Variants in ARAP1 observed in about 807,000 individuals in gnomAD.
The protein encoded by ARAP1 is arf-GAP with Rho-GAP domain, ANK repeat and PH domain-containing protein 1.
Under a neutral mutation model 172.2 loss-of-function variants are expected in ARAP1, and 76 were observed. The observed-to-expected ratio is 0.44, with a 90% CI of 0.37 to 0.53. The LOEUF (loss-of-function observed/expected upper bound fraction) is 0.53. Ranked by LOEUF, ARAP1 falls within the 20% of genes least tolerant of loss-of-function variation. The probability of loss-of-function intolerance (pLI) is 0.00; values close to 1 mark genes in which losing one functional copy is unlikely to be tolerated. For synonymous variants in ARAP1, 804 were observed against 803.3 expected (o/e 1.00, Z -0.01); for missense variants, 1,686 against 1,977.5 (o/e 0.85, Z 2.80).
chr11:72,731,452 C>T (rs1857866802), intron 2 of ARAP1, among the ~76,000 whole-genome samples: 1 of 152,180 alleles, frequency 6.6e-6, no homozygotes, highest in African/African-American at 2.4e-5. Flanking sequence ...TTGCTTCCTC[C>T]CTCACCATGT....
Position 72,696,966 on chromosome 11 carries a change from C to G in ARAP1, c.3166+17G>C. ...GGGTGGAGGAGGAGGAGGCTGGGCACGGGCTGCAGGGCCCACCTGAGGCCT... is the reference window on the plus strand; with the variant it reads ...GGGTGGAGGAGGAGGAGGCTGGGCAGGGGCTGCAGGGCCCACCTGAGGCCT... On this transcript the variant is annotated intron_variant, in intron 22 of 34. Coordinates refer to ENST00000393609, the MANE Select transcript of ARAP1 (RefSeq NM_001040118.3). 1 of 1,595,910 alleles carries G rather than the reference C, an allele frequency of 6.3e-7. No individual in the cohort carries two copies. The highest frequency in any genetic ancestry group is 8.5e-7 in the Non-Finnish European group (1 of 1,176,126).
chr11:72,688,029 T>C (rs1855767632), intron 31 of ARAP1, among the ~76,000 whole-genome samples: 2 of 152,008 alleles, frequency 1.3e-5, no homozygotes, highest in Admixed American at 6.6e-5. Context: ...AGATAGGCTC[T>C]CACTCTGTCG....
rs950443166 is a variant in ARAP1 at position 72,726,589 on chromosome 11, G to A, written c.509+31C>T. On this transcript the variant is annotated intron_variant, in intron 3 of 34. Coordinates refer to ENST00000393609, the MANE Select transcript of ARAP1 (RefSeq NM_001040118.3). The surrounding 1 kb of genome is among the most constrained non-coding windows in gnomAD (Gnocchi z 6.5). ...CTACCCTCTGGGATCCTCTGCCTGT[G>A]CGCCTCCCACCCTGGGTGGCATCCA... 1 of 1,467,776 alleles carries A rather than the reference G, an allele frequency of 6.8e-7. No homozygotes were observed. Among genetic ancestry groups the A allele is most frequent in the Admixed American group, 2.3e-5 (1 of 42,878 alleles). The allele number at this position is 1,467,776 out of a possible 1,614,324, so 90.9% of individuals were successfully genotyped here.
intron 3 of ARAP1, chr11:72,722,001 G>A (rs1156408317): frequency 2.0e-6 from 2 of 985,860 alleles, no homozygotes; most frequent in Non-Finnish European, 2.4e-6. Flanking sequence ...GCCCCTGGGT[G>A]GGTCTGAGGC....
rs1369717668 is a variant in ARAP1 at position 72,699,118 on chromosome 11, A to G, written c.2439-11T>C. 1.2e-6 allele frequency: 2 copies of G among 1,613,680 alleles called. No homozygotes were observed. Among genetic ancestry groups the G allele is most frequent in the Non-Finnish European group, 8.5e-7 (1 of 1,179,816 alleles). ...AAGGTGTGCTCAAAGCTGCAAATAC[A>G]CAGGCCAGGACTCAGGCCCACCTCA... is the stretch of plus-strand genomic sequence containing the variant. On this transcript the variant is annotated splice_polypyrimidine_tract_variant and intron_variant, in intron 17 of 34. Coordinates refer to ENST00000393609, the MANE Select transcript of ARAP1 (RefSeq NM_001040118.3). This position sits in a 1 kb window ranked among gnomAD's most constrained non-coding sequence, Gnocchi z 4.2.
chr11:72,722,879 A>G (rs1857572018), intron 3 of ARAP1, among the ~76,000 whole-genome samples: 1 of 152,196 alleles, frequency 6.6e-6, no homozygotes, highest in Non-Finnish European at 1.5e-5. Flanking sequence ...GCGGCATTTA[A>G]GAGCTGAGTA....
At chr11:72,717,961 A>C (rs1857352163) in intron 3 of ARAP1, among the ~76,000 whole-genome samples, 2 of 152,182 alleles carry the variant, frequency 1.3e-5, no homozygotes, top group African/African-American at 4.8e-5. Context: ...CTCAGGACCC[A>C]TCTGAGAGGG....
chr11:72,710,433 C>A lies in ARAP1; in HGVS notation c.1368G>T (p.Leu456=). 3.1e-6 allele frequency: 5 copies of A among 1,614,078 alleles called. No homozygotes were observed. The highest frequency in any genetic ancestry group is 4.2e-6 in the Non-Finnish European group (5 of 1,179,984). ...SLELRGFKNK[L]YVAVVGDKVQ... is the part of the protein sequence containing the mutation. ...CTTTGTCCCCGACCACGGCCACGTA[C>A]AGCTTATTCTTGAAGCCACGAAGCT... Residue 456 remains leucine, a synonymous_variant, in exon 10 of 35, where the codon CTG becomes CTT. Transcript: ENST00000393609. This position sits in a 1 kb window ranked among gnomAD's most constrained non-coding sequence, Gnocchi z 4.3.
rs368557147 is a variant in ARAP1 at position 72,687,431 on chromosome 11, C to T, written c.4185+8G>A. 2 of 1,614,216 alleles carry T rather than the reference C, an allele frequency of 1.2e-6. No homozygotes were observed. Among genetic ancestry groups the T allele is most frequent in the Admixed American group, 1.7e-5 (1 of 60,026 alleles). On this transcript the variant is annotated splice_region_variant and intron_variant, in intron 33 of 34. Transcript: ENST00000393609. ...CCCACCCCACACCCCACACTCTGCA[C>T]CTGGTACCTGCACAAACAGAAAGGT... is the stretch of plus-strand genomic sequence containing the variant.
chr11:72,713,580 G>T (rs948610806), intron 4 of ARAP1, among the ~76,000 whole-genome samples: 19 of 152,232 alleles, frequency 1.2e-4, no homozygotes, highest in East Asian at 1.2e-3. Context: ...AGGCGCGGTG[G>T]CTCATGCCTG....
chr11:72,696,858 C>G, intron 22 of ARAP1, 125 bp downstream of exon 22: 1 of 1,106,950 alleles, frequency 9.0e-7, no homozygotes, highest in Non-Finnish European at 1.3e-6. Flanking sequence ...GAATGAGAAG[C>G]AGAGGCAGGC....
chr11:72,688,431 C>G (rs549645612), intron 31 of ARAP1, 24 bp downstream of exon 31: 10 of 1,604,332 alleles, frequency 6.2e-6, no homozygotes, highest in Non-Finnish European at 8.5e-6. Context: ...CAGTAGCAGG[C>G]CTATCTGCCC....
intron 1 of ARAP1, among the ~76,000 whole-genome samples, chr11:72,748,894 G>C (rs1464912419): frequency 6.6e-6 from 1 of 152,202 alleles, no homozygotes; most frequent in East Asian, 1.9e-4. Flanking sequence ...CAGCCTCTGA[G>C]TTTTGTGGGG....
intron 3 of ARAP1, among the ~76,000 whole-genome samples, chr11:72,724,446 G>T (rs188503026): frequency 6.6e-6 from 1 of 152,116 alleles, no homozygotes; most frequent in Non-Finnish European, 1.5e-5. Flanking sequence ...CCCACAAGGC[G>T]GGGGTGGGCA....
At chr11:72,713,783 C>T (rs1857146791) in intron 4 of ARAP1, among the ~76,000 whole-genome samples, 1 of 150,346 alleles carries the variant, frequency 6.7e-6, no homozygotes, top group South Asian at 2.1e-4. Flanking sequence ...GGAGGCAGAG[C>T]TTGCAGTGGG....
chr11:72,697,537 T>G, intron 20 of ARAP1, 51 bp from the exon 21 acceptor site: 2 of 1,613,074 alleles, frequency 1.2e-6, no homozygotes, highest in Non-Finnish European at 1.7e-6. Flanking sequence ...TCCCACCCTG[T>G]CCCCAGGCCC....
At chr11:72,697,551 A>G in intron 20 of ARAP1, 47 bp downstream of exon 20, 1 of 1,613,422 alleles carries the variant, frequency 6.2e-7, no homozygotes, top group Non-Finnish European at 8.5e-7. Context: ...CAGGCCCATC[A>G]GACTGCTCCA....
At chr11:72,752,203 GACAA>G in intron 1 of ARAP1, 121 bp downstream of exon 1, 1 of 152,488 alleles carries the variant, frequency 6.6e-6, no homozygotes, top group Middle Eastern at 3.4e-3. Context: ...AAGGTAAACA[GACAA>G]GATGACCCGG....
chr11:72,718,097 G>A (rs538166550), intron 3 of ARAP1, among the ~76,000 whole-genome samples: 2 of 152,218 alleles, frequency 1.3e-5, no homozygotes, highest in Non-Finnish European at 2.9e-5. Context: ...GGGCCTCTCG[G>A]AAGCATCTGG....
Sources: gnomAD v4.1 joint callset for allele counts (sites outside exome capture counted in the v4.1 genomes callset) on GRCh38, gnomAD v4.1.1 for gene constraint, Gnocchi (gnomAD v3.1) non-coding constraint, MANE v1.5 for transcripts, NCBI Gene and HGNC (gene_info 2026-07-23, HGNC 2026-07-21) for gene names.